RBFOX1: variants seen among roughly 807,000 people sequenced by gnomAD.
The protein encoded by RBFOX1 is RNA binding protein fox-1 homolog 1.
RBFOX1 carries 8 observed loss-of-function variants against 57.7 expected under a neutral mutation model. That is an observed-to-expected ratio of 0.14 (90% CI 0.08 to 0.25). RBFOX1 has a LOEUF of 0.25. Ranked by LOEUF, RBFOX1 falls within the 10% of genes least tolerant of loss-of-function variation. The pLI is 1.00. For missense variants in RBFOX1, 611 were observed against 548.5 expected, an observed-to-expected ratio of 1.11 and a Z score of -1.14; for synonymous variants, 326 against 222.4, an observed-to-expected ratio of 1.47 and a Z score of -4.15.
At chr16:6,586,529 T>C (rs1420778271) in intron 2 of RBFOX1, among the ~76,000 whole-genome samples, 1 of 152,216 alleles carries the variant, frequency 6.6e-6, no homozygotes, top group Non-Finnish European at 1.5e-5. Context: ...TCTCATGTGA[T>C]TGAAACATCT....
intron 2 of RBFOX1, among the ~76,000 whole-genome samples, chr16:6,361,894 C>A (rs906486667): frequency 6.6e-6 from 1 of 152,060 alleles, no homozygotes; most frequent in African/African-American, 2.4e-5. Flanking sequence ...ATTGATCCAG[C>A]CGTTTTTGTT....
intron 1 of RBFOX1, among the ~76,000 whole-genome samples, chr16:5,242,366 G>GT (rs1344496827): frequency 6.6e-6 from 1 of 152,148 alleles, no homozygotes; most frequent in East Asian, 1.9e-4. Flanking sequence ...CATGGTGTCT[G>GT]TATCTGCTCA....
rs552983123 is a variant in RBFOX1, at chr16:7,034,959, A to G, written c.-15-17098A>G. On this transcript the variant is annotated intron_variant, in intron 3 of 15. Transcript: ENST00000550418. ...TGCCTCCCCGGTTCTATCGATTCTC[A>G]TTCCTCAGCCTCTGAGTAGCTGGGC... 1.5e-4 allele frequency among the ~76,000 whole-genome samples: 22 copies of G among 144,872 alleles called. No individual in the cohort carries two copies. In the South Asian group the frequency reaches 4.0e-3, roughly 26 times the overall value.
intron 3 of RBFOX1, among the ~76,000 whole-genome samples, chr16:6,989,113 C>G (rs1014558430): frequency 1.3e-5 from 2 of 152,100 alleles, no homozygotes; most frequent in Non-Finnish European, 2.9e-5. Context: ...GGCAGGTTGG[C>G]CTAAACTCTT....
intron 1 of RBFOX1, among the ~76,000 whole-genome samples, chr16:5,408,868 C>A (rs183797713): frequency 6.6e-6 from 1 of 152,170 alleles, no homozygotes; most frequent in Non-Finnish European, 1.5e-5. Flanking sequence ...CTCACAGTCA[C>A]GAAGACTGTT....
intron 4 of RBFOX1, among the ~76,000 whole-genome samples, chr16:7,250,479 G>C (rs6500938): frequency 0.67 from 101,827 of 151,954 alleles, 35,691 homozygotes; most frequent in African/African-American, 0.88. Context: ...CGCCTCAGCT[G>C]CAGCCTCAGC....
chr16:6,821,204 C>G (rs567247937), intron 3 of RBFOX1, among the ~76,000 whole-genome samples: 25 of 152,256 alleles, frequency 1.6e-4, no homozygotes, highest in African/African-American at 5.5e-4. Flanking sequence ...GGCTAGAAGT[C>G]CAGTCATGGC....
intron 4 of RBFOX1, among the ~76,000 whole-genome samples, chr16:7,275,507 C>T (rs1038394373): frequency 6.6e-6 from 1 of 152,182 alleles, no homozygotes; most frequent in African/African-American, 2.4e-5. Flanking sequence ...CATATATGTG[C>T]TTCCATAACT....
intron 4 of RBFOX1, among the ~76,000 whole-genome samples, chr16:7,186,245 A>G (rs926593399): frequency 1.6e-5 from 2 of 128,738 alleles, no homozygotes; most frequent in Admixed American, 7.7e-5. Context: ...TATTTATATA[A>G]ACATAAACAT....
Position 7,412,507 on chromosome 16 carries a change from T to C in RBFOX1, c.28-105640T>C, listed in dbSNP as rs112288553. On this transcript the variant is annotated intron_variant, in intron 4 of 15. Transcript: ENST00000550418. ...CAACATTTCTGTAAATCGAAAAGTA[T>C]GCTGCAATTAAAATTTTATTTTTAA... 3.2e-3 allele frequency among the ~76,000 whole-genome samples: 490 copies of C among 151,936 alleles called. 5 individuals carry two copies. Among genetic ancestry groups the C allele is most frequent in the African/African-American group, 0.011 (471 of 41,432 alleles).
At chr16:6,976,722 A>C (rs2086960599) in intron 3 of RBFOX1, among the ~76,000 whole-genome samples, 1 of 146,138 alleles carries the variant, frequency 6.8e-6, no homozygotes, top group Admixed American at 6.8e-5. Context: ...TACATATCAT[A>C]TATATCATGT....
intron 1 of RBFOX1, among the ~76,000 whole-genome samples, chr16:6,136,731 C>A (rs1284552610): frequency 6.6e-6 from 1 of 152,146 alleles, no homozygotes; most frequent in Non-Finnish European, 1.5e-5. Context: ...CTACAGCCCC[C>A]CAAAATACCT....
At chr16:7,057,701 C>A (rs2052806089) in intron 4 of RBFOX1, among the ~76,000 whole-genome samples, 1 of 152,146 alleles carries the variant, frequency 6.6e-6, no homozygotes, top group African/African-American at 2.4e-5. Context: ...GGAGCCATTG[C>A]TAGCTGAGTA....
chr16:5,762,077 A>G (rs1406478974), intron 3 of RBFOX1, among the ~76,000 whole-genome samples: 22 of 152,180 alleles, frequency 1.4e-4, no homozygotes, highest in Admixed American at 1.4e-3. Context: ...AAATGGATCT[A>G]TTGTAAGAAT....
intron 3 of RBFOX1, among the ~76,000 whole-genome samples, chr16:5,817,946 T>C (rs2151796977): frequency 6.6e-6 from 1 of 152,018 alleles, no homozygotes; most frequent in East Asian, 1.9e-4. Context: ...CACCTCGGCC[T>C]CCAAAAGTGC....
intron 4 of RBFOX1, among the ~76,000 whole-genome samples, chr16:7,106,146 A>G (rs1215187154): frequency 1.3e-5 from 2 of 152,154 alleles, no homozygotes; most frequent in Non-Finnish European, 2.9e-5. Flanking sequence ...CAGCATCATG[A>G]CCTGTGAAGA....
At chr16:6,920,803 C>T (rs2074292120) in intron 3 of RBFOX1, among the ~76,000 whole-genome samples, 1 of 152,188 alleles carries the variant, frequency 6.6e-6, no homozygotes, top group Non-Finnish European at 1.5e-5. Flanking sequence ...AGAACATCCA[C>T]CCTGAATCCA....
At chr16:7,164,449 A>G (rs536258505) in intron 4 of RBFOX1, among the ~76,000 whole-genome samples, 2 of 152,288 alleles carry the variant, frequency 1.3e-5, no homozygotes, top group South Asian at 2.1e-4. Context: ...TCTTTTTTGT[A>G]TAGTGATTTC....
At chr16:5,678,564 G>A (rs182811242) in intron 3 of RBFOX1, among the ~76,000 whole-genome samples, 1 of 152,260 alleles carries the variant, frequency 6.6e-6, no homozygotes, top group Admixed American at 6.5e-5. Context: ...CTTGTCCATG[G>A]TGCTGGATGG....
Sources: allele counts gnomAD v4.1 joint callset (sites outside exome capture counted in the v4.1 genomes callset), GRCh38; gene constraint gnomAD v4.1.1; transcripts MANE v1.5; gene names NCBI Gene and HGNC (gene_info 2026-07-23, HGNC 2026-07-21).